OPCML: variants seen among roughly 807,000 people sequenced by gnomAD.
OPCML encodes the protein opioid binding protein/cell adhesion molecule like, also known as opioid-binding protein/cell adhesion molecule.
OPCML carries 13 observed loss-of-function variants against 37.8 expected under a neutral mutation model. The ratio of observed to expected loss-of-function variants is 0.34; its 90% CI spans 0.22 to 0.55. The LOEUF (loss-of-function observed/expected upper bound fraction) is 0.55. Ranked by LOEUF, OPCML falls within the 20% of genes least tolerant of loss-of-function variation. The probability of loss-of-function intolerance (pLI) is 0.91; values close to 1 mark genes in which losing one functional copy is unlikely to be tolerated. For missense variants in OPCML, 341 were observed against 435.6 expected (o/e 0.78, Z 1.93); for synonymous variants, 176 against 168.8 (o/e 1.04, Z -0.33).
chr11:132,533,702 G>C (rs1221507991), intron 3 of OPCML, among the ~76,000 whole-genome samples: 4 of 151,978 alleles, frequency 2.6e-5, no homozygotes, highest in African/African-American at 9.7e-5. Flanking sequence ...ACCTTTACTT[G>C]TATATTTACC....
At chr11:132,847,780 A>G (rs1422704161) in intron 2 of OPCML, among the ~76,000 whole-genome samples, 4 of 151,840 alleles carry the variant, frequency 2.6e-5, no homozygotes, top group African/African-American at 9.7e-5. Flanking sequence ...TTCTCCTTTC[A>G]TTTGTTGGTG....
Position 132,979,196 on chromosome 11 carries a change from C to G in OPCML, c.62-36186G>C, listed in dbSNP as rs148790979. On this transcript the variant is annotated intron_variant, in intron 1 of 7. Transcript: ENST00000524381. ...AACCACCTCTGTCTCACACCCGGATCACTCCGCACTTTCTGCCATGCAATA... is the reference window on the plus strand; with the variant it reads ...AACCACCTCTGTCTCACACCCGGATGACTCCGCACTTTCTGCCATGCAATA... Among the ~76,000 whole-genome samples, 440 of 152,302 alleles carry G rather than the reference C, an allele frequency of 2.9e-3. 6 individuals carry two copies. The highest frequency in any genetic ancestry group is 1.2e-3 in the East Asian group (6 of 5,174).
intron 1 of OPCML, among the ~76,000 whole-genome samples, chr11:133,169,509 G>A (rs1372999959): frequency 6.6e-6 from 1 of 152,198 alleles, no homozygotes; most frequent in African/African-American, 2.4e-5. Context: ...TTTTGCTGCT[G>A]TAAAATCACT....
chr11:133,391,053 T>TACCC (rs898144124), intron 1 of OPCML, among the ~76,000 whole-genome samples: 3 of 152,178 alleles, frequency 2.0e-5, no homozygotes, highest in African/African-American at 7.2e-5. Context: ...GAGGAAGATT[T>TACCC]ACCCACCTGC....
intron 3 of OPCML, among the ~76,000 whole-genome samples, chr11:132,531,518 G>T (rs186435725): frequency 3.5e-4 from 54 of 152,308 alleles, no homozygotes; most frequent in Middle Eastern, 3.4e-3. Flanking sequence ...GACCTTACAG[G>T]TAAGTCTTTT....
At chr11:132,592,969 A>G (rs2096486903) in intron 3 of OPCML, among the ~76,000 whole-genome samples, 1 of 152,254 alleles carries the variant, frequency 6.6e-6, no homozygotes, top group Admixed American at 6.5e-5. Context: ...AGGAGAGAGC[A>G]TGTTCACGGA....
At chr11:133,302,724 A>C (rs1942811123) in intron 1 of OPCML, 1 of 152,190 alleles carries the variant, frequency 6.6e-6, no homozygotes, top group Non-Finnish European at 1.5e-5. Context: ...GAAACCTCAT[A>C]TATCTTAGAA....
chr11:132,957,246 T>C (rs1048430200), intron 1 of OPCML, among the ~76,000 whole-genome samples: 1 of 151,890 alleles, frequency 6.6e-6, no homozygotes, highest in African/African-American at 2.4e-5. Flanking sequence ...GGAGAATCCA[T>C]TGCTCATCCT....
chr11:132,748,378 TA>T (rs1363987748), intron 2 of OPCML, among the ~76,000 whole-genome samples: 14 of 152,148 alleles, frequency 9.2e-5, no homozygotes, highest in Non-Finnish European at 1.6e-4. Flanking sequence ...GCTCCTGTTC[TA>T]GGGGCTAGAG....
At chr11:132,466,780 G>A (rs1489292895) in intron 4 of OPCML, among the ~76,000 whole-genome samples, 2 of 152,094 alleles carry the variant, frequency 1.3e-5, no homozygotes, top group African/African-American at 4.8e-5. Flanking sequence ...CCTCGGGTCC[G>A]TGTCATTAAA....
chr11:132,506,831 G>A (rs2096257978), intron 4 of OPCML, among the ~76,000 whole-genome samples: 1 of 151,620 alleles, frequency 6.6e-6, no homozygotes, highest in African/African-American at 2.4e-5. Context: ...AGAACAAAAA[G>A]AGGAAAACAA....
chr11:132,763,321 C>G (rs1322907709), intron 2 of OPCML, among the ~76,000 whole-genome samples: 1 of 152,108 alleles, frequency 6.6e-6, no homozygotes, highest in Non-Finnish European at 1.5e-5. Context: ...TTAATCTACT[C>G]AATACTAATT....
intron 1 of OPCML, among the ~76,000 whole-genome samples, chr11:133,509,629 C>T (rs1948110970): frequency 6.6e-6 from 1 of 152,150 alleles, no homozygotes; most frequent in South Asian, 2.1e-4. Context: ...TCCCACAGTT[C>T]TAAGTCGGGA....
intron 1 of OPCML, among the ~76,000 whole-genome samples, chr11:133,317,219 T>G (rs899674020): frequency 6.6e-6 from 1 of 152,040 alleles, no homozygotes; most frequent in African/African-American, 2.4e-5. Flanking sequence ...ATACATAAAG[T>G]AAAATAAAAT....
intron 1 of OPCML, among the ~76,000 whole-genome samples, chr11:133,311,854 A>C (rs1943074249): frequency 2.0e-5 from 3 of 152,194 alleles, no homozygotes; most frequent in Non-Finnish European, 4.4e-5. Context: ...ACAGTGTTAC[A>C]GCTGGGCATT....
intron 4 of OPCML, among the ~76,000 whole-genome samples, chr11:132,520,667 A>AATATAT (rs10677758): frequency 7.1e-4 from 85 of 118,944 alleles, no homozygotes; most frequent in South Asian, 6.6e-3. Flanking sequence ...TATGTAACTA[A>AATATAT]ATATATATGT....
intron 1 of OPCML, among the ~76,000 whole-genome samples, chr11:133,259,396 T>C (rs1326512908): frequency 1.3e-5 from 2 of 152,212 alleles, no homozygotes; most frequent in African/African-American, 4.8e-5. Context: ...CCACAGTTTG[T>C]AACTGGCTGA....
chr11:133,440,849 T>A (rs1349692395), intron 1 of OPCML, among the ~76,000 whole-genome samples: 1 of 148,614 alleles, frequency 6.7e-6, no homozygotes, highest in Non-Finnish European at 1.5e-5. Context: ...ATATATATGA[T>A]TTCTATTAGA....
intron 1 of OPCML, among the ~76,000 whole-genome samples, chr11:133,489,404 T>C (rs1947604782): frequency 6.6e-6 from 1 of 151,774 alleles, no homozygotes; most frequent in Non-Finnish European, 1.5e-5. Flanking sequence ...AATAACCCCA[T>C]TTAAAAGTGG....
Sources: gnomAD v4.1 joint callset for allele counts (sites outside exome capture counted in the v4.1 genomes callset) on GRCh38, gnomAD v4.1.1 for gene constraint, MANE v1.5 for transcripts, NCBI Gene and HGNC (gene_info 2026-07-23, HGNC 2026-07-21) for gene names.